Variants in CDH12 observed in about 807,000 individuals in gnomAD.
CDH12 encodes cadherin 12.
In CDH12, 41 loss-of-function variants were observed where a neutral mutation model predicts 74.1. The observed-to-expected ratio is 0.55, with a 90% CI of 0.43 to 0.72. The LOEUF is 0.72. CDH12 is among the 30% of genes least tolerant of loss of function. CDH12 has a pLI of 0.00. For synonymous variants in CDH12, 399 were observed against 355.0 expected, an observed-to-expected ratio of 1.12 and a Z score of -1.39; for missense variants, 945 against 977.2, an observed-to-expected ratio of 0.97 and a Z score of 0.44.
At position 22,396,975 on chromosome 5, in the gene CDH12, T is replaced by C. The variant is rs532831256; in HGVS notation, c.-333+8282A>G. Among the ~76,000 whole-genome samples the C allele has an allele frequency of 3.0e-4, 46 of 152,252 alleles. 1 individual carries two copies. The South Asian group carries it at 7.9e-3, about 26-fold the overall frequency. ...TATAGCATTAAAATACTCATTGCTTTTCTCTCTTCTCTTTTACGTATATAA... is the reference window on the plus strand; with the variant it reads ...TATAGCATTAAAATACTCATTGCTTCTCTCTCTTCTCTTTTACGTATATAA... On this transcript the variant is annotated intron_variant, in intron 3 of 14. Transcript: ENST00000382254.
At chr5:22,472,255 G>T (rs1745990623) in intron 2 of CDH12, among the ~76,000 whole-genome samples, 1 of 152,058 alleles carries the variant, frequency 6.6e-6, no homozygotes. Flanking sequence ...CAAAAAGAAT[G>T]CCCAGAGAAG....
chr5:22,621,664 T>C (rs1322166147), intron 1 of CDH12, among the ~76,000 whole-genome samples: 1 of 152,112 alleles, frequency 6.6e-6, no homozygotes, highest in Non-Finnish European at 1.5e-5. Context: ...TGTTCATTGA[T>C]AACATTAGAA....
At chr5:22,534,591 T>C (rs1737744239) in intron 1 of CDH12, among the ~76,000 whole-genome samples, 1 of 152,058 alleles carries the variant, frequency 6.6e-6, no homozygotes, top group Non-Finnish European at 1.5e-5. Flanking sequence ...TGTGAGGATG[T>C]CCAAGTTAGA....
intron 5 of CDH12, among the ~76,000 whole-genome samples, chr5:22,044,253 G>T (rs146378376): frequency 1.6e-3 from 250 of 152,254 alleles, no homozygotes; most frequent in Non-Finnish European, 2.8e-3. Flanking sequence ...ATGGACCCAT[G>T]GAGAATGTAT....
At position 22,412,722 on chromosome 5, in the gene CDH12, T is replaced by C. The variant is rs144648816; in HGVS notation, c.-427-7371A>G. 8.3e-3 allele frequency among the ~76,000 whole-genome samples: 1,255 copies of C among 152,062 alleles called. 10 individuals carry two copies. The highest frequency in any genetic ancestry group is 0.011 in the Non-Finnish European group (756 of 67,858). The stretch of plus-strand genomic sequence containing the variant: ...GACGGCCATGGGCACACTTAGGCTA[T>C]ACTATAACTCTGTATAAACAAGCAT... On this transcript the variant is annotated intron_variant, in intron 2 of 14. Transcript: ENST00000382254.
At chr5:22,463,823 A>G (rs1222919808) in intron 2 of CDH12, among the ~76,000 whole-genome samples, 2 of 152,170 alleles carry the variant, frequency 1.3e-5, no homozygotes, top group East Asian at 3.8e-4. Flanking sequence ...AGGGCAGATA[A>G]TTTTTAAAAA....
intron 3 of CDH12, among the ~76,000 whole-genome samples, chr5:22,374,856 T>C (rs1741451595): frequency 6.8e-6 from 1 of 148,060 alleles, no homozygotes; most frequent in Admixed American, 6.7e-5. Context: ...GAAAAAAAAA[T>C]AGTATTGTTA....
chr5:22,036,579 C>A (rs6885846), intron 5 of CDH12, among the ~76,000 whole-genome samples: 1 of 151,862 alleles, frequency 6.6e-6, no homozygotes, highest in Non-Finnish European at 1.5e-5. Flanking sequence ...CGTGTGCGTG[C>A]GTGTGTGTTT....
intron 2 of CDH12, among the ~76,000 whole-genome samples, chr5:22,427,095 G>A (rs543083004): frequency 2.6e-5 from 4 of 152,126 alleles, no homozygotes; most frequent in African/African-American, 9.6e-5. Context: ...TTTAGAGATG[G>A]ATATCTGGAT....
At chr5:22,036,126 A>G (rs962322971) in intron 5 of CDH12, among the ~76,000 whole-genome samples, 1 of 152,308 alleles carries the variant, frequency 6.6e-6, no homozygotes, top group East Asian at 1.9e-4. Flanking sequence ...CTAATAATGA[A>G]AATGCTTTTT....
At chr5:22,270,605 ATAT>A (rs753415604) in intron 3 of CDH12, among the ~76,000 whole-genome samples, 6 of 68,938 alleles carry the variant, frequency 8.7e-5, no homozygotes, top group East Asian at 5.6e-4. Flanking sequence ...AAAAAAAAAA[ATAT>A]ATATATATAT....
intron 5 of CDH12, among the ~76,000 whole-genome samples, chr5:22,060,079 T>C (rs1386728666): frequency 6.6e-6 from 1 of 152,072 alleles, no homozygotes; most frequent in Non-Finnish European, 1.5e-5. Context: ...AGATTCAGAA[T>C]GAAAAAGGAT....
intron 4 of CDH12, among the ~76,000 whole-genome samples, chr5:22,210,946 T>C (rs1025897506): frequency 7.9e-5 from 12 of 152,182 alleles, no homozygotes; most frequent in Admixed American, 7.9e-4. Context: ...GGAAAAGAGA[T>C]AGAAGTCTCA....
chr5:21,758,548 T>A (rs529295538), intron 13 of CDH12, among the ~76,000 whole-genome samples: 1 of 152,218 alleles, frequency 6.6e-6, no homozygotes, highest in Non-Finnish European at 1.5e-5. Flanking sequence ...TTTTGATGAT[T>A]ATTTTAGAGA....
intron 9 of CDH12, among the ~76,000 whole-genome samples, chr5:21,814,669 A>G (rs1044170359): frequency 2.7e-5 from 4 of 150,428 alleles, no homozygotes; most frequent in African/African-American, 4.8e-5. Context: ...GTATATAAAC[A>G]TAAATATATA....
At chr5:22,146,409 A>T (rs1747182429) in intron 4 of CDH12, among the ~76,000 whole-genome samples, 1 of 152,160 alleles carries the variant, frequency 6.6e-6, no homozygotes. Context: ...AAATGTTCAT[A>T]ACATTTAACA....
At chr5:22,528,251 CAG>C (rs553733335) in intron 1 of CDH12, among the ~76,000 whole-genome samples, 35 of 152,112 alleles carry the variant, frequency 2.3e-4, no homozygotes, top group Non-Finnish European at 4.4e-4. Context: ...CTCTGAAAAG[CAG>C]AGAGGTCACT....
At chr5:22,510,462 G>A (rs1736554917) in intron 1 of CDH12, among the ~76,000 whole-genome samples, 1 of 152,194 alleles carries the variant, frequency 6.6e-6, no homozygotes, top group Admixed American at 6.5e-5. Context: ...AGTGGGAAAA[G>A]AACAGACTTT....
At chr5:22,107,375 G>A (rs1052763319) in intron 4 of CDH12, among the ~76,000 whole-genome samples, 57 of 151,522 alleles carry the variant, frequency 3.8e-4, no homozygotes, top group African/African-American at 1.1e-3. Flanking sequence ...CAGGTGATCC[G>A]TCCGTCTTGG....
Sources: allele counts gnomAD v4.1 joint callset (sites outside exome capture counted in the v4.1 genomes callset), GRCh38; gene constraint gnomAD v4.1.1; transcripts MANE v1.5; gene names NCBI Gene and HGNC (gene_info 2026-07-23, HGNC 2026-07-21).